SYCP1: variants seen among roughly 807,000 people sequenced by gnomAD.
The protein encoded by SYCP1 is cancer/testis antigen 8.
SYCP1 carries 64 observed loss-of-function variants against 153.1 expected under a neutral mutation model. The observed-to-expected ratio is 0.42, with a 90% CI of 0.34 to 0.51. The LOEUF is 0.51. Among genes scored for constraint, SYCP1 ranks in the 20% least tolerant of loss-of-function variants. The pLI, the probability that SYCP1 is intolerant of heterozygous loss-of-function variation, is 0.06. For synonymous variants in SYCP1, 384 were observed against 341.8 expected (o/e 1.12, Z -1.36); for missense variants, 997 against 1,049.0 (o/e 0.95, Z 0.68).
At chr1:114,928,844 A>G (rs574722253) in intron 23 of SYCP1, among the ~76,000 whole-genome samples, 6 of 152,354 alleles carry the variant, frequency 3.9e-5, no homozygotes, top group African/African-American at 1.4e-4. Context: ...CAACTGAAGT[A>G]TAGCTGTCTT....
At chr1:114,868,795 A>C (rs1048128649) in intron 8 of SYCP1, among the ~76,000 whole-genome samples, 1 of 152,208 alleles carries the variant, frequency 6.6e-6, no homozygotes, top group Non-Finnish European at 1.5e-5. Context: ...GTCTTTTGAC[A>C]GTTGGTCCAT....
At chr1:114,892,214 T>A (rs1666754540) in intron 15 of SYCP1, among the ~76,000 whole-genome samples, 2 of 151,994 alleles carry the variant, frequency 1.3e-5, no homozygotes, top group Admixed American at 1.3e-4. Context: ...CCAGTTGTGT[T>A]TATAGGTGCT....
chr1:114,989,319 A>G (rs1013280558), intron 30 of SYCP1, among the ~76,000 whole-genome samples: 39 of 151,998 alleles, frequency 2.6e-4, no homozygotes, highest in Admixed American at 2.4e-3. Flanking sequence ...TGTAATCTCC[A>G]TGGTAACTAC....
chr1:114,854,457 A>G (rs1420417822), upstream of SYCP1, among the ~76,000 whole-genome samples: 2 of 152,166 alleles, frequency 1.3e-5, no homozygotes, highest in African/African-American at 2.4e-5. Flanking sequence ...CCATTCACTC[A>G]TTCTTATGTG....
At chr1:114,935,391 G>C (rs1235681961) in intron 23 of SYCP1, among the ~76,000 whole-genome samples, 1 of 152,124 alleles carries the variant, frequency 6.6e-6, no homozygotes, top group Non-Finnish European at 1.5e-5. Context: ...AGAATCTCTG[G>C]GACACATTTA....
At chr1:114,972,087 A>C (rs558439725) in intron 27 of SYCP1, among the ~76,000 whole-genome samples, 1 of 152,088 alleles carries the variant, frequency 6.6e-6, no homozygotes, top group Non-Finnish European at 1.5e-5. Context: ...TATAGCTTCA[A>C]TCTTGCTAGA....
At chr1:114,945,107 T>A (rs957599870) in intron 25 of SYCP1, 125 bp downstream of exon 25, 10 of 680,724 alleles carry the variant, frequency 1.5e-5, no homozygotes, top group Non-Finnish European at 2.1e-5. Context: ...ACAGTGACTG[T>A]CTATAGCTAG....
intron 27 of SYCP1, among the ~76,000 whole-genome samples, chr1:114,960,163 GTTTTTTTTTTTT>G (rs757126453): frequency 9.1e-5 from 10 of 109,476 alleles, no homozygotes; most frequent in Admixed American, 2.8e-4. Context: ...TAGTTTGCTT[GTTTTTTTTTTTT>G]TTTTTTTTTT....
intron 27 of SYCP1, among the ~76,000 whole-genome samples, chr1:114,951,601 A>G (rs1176822979): frequency 1.3e-5 from 2 of 152,194 alleles, no homozygotes; most frequent in East Asian, 1.9e-4. Context: ...TTATTTTGAG[A>G]TAATTGTAGA....
At chr1:114,935,242 G>A (rs1669919088) in intron 23 of SYCP1, among the ~76,000 whole-genome samples, 1 of 152,114 alleles carries the variant, frequency 6.6e-6, no homozygotes, top group Non-Finnish European at 1.5e-5. Context: ...TAGAACTCAG[G>A]ATTAAGAAAC....
At chr1:114,872,090 CT>C (rs906281914) in intron 8 of SYCP1, among the ~76,000 whole-genome samples, 4 of 150,024 alleles carry the variant, frequency 2.7e-5, no homozygotes, top group Non-Finnish European at 5.9e-5. Context: ...GATCCTCCCA[CT>C]TTGGCCTCCC....
At chr1:114,960,167 T>G (rs568550936) in intron 27 of SYCP1, among the ~76,000 whole-genome samples, 2 of 142,648 alleles carry the variant, frequency 1.4e-5, no homozygotes, top group East Asian at 4.0e-4. Context: ...TTGCTTGTTT[T>G]TTTTTTTTTT....
chr1:114,893,193 T>C (rs1363960785), intron 15 of SYCP1, among the ~76,000 whole-genome samples: 1 of 152,182 alleles, frequency 6.6e-6, no homozygotes, highest in Non-Finnish European at 1.5e-5. Flanking sequence ...CTTTCTTGTT[T>C]TTAAACTTTC....
intron 27 of SYCP1, among the ~76,000 whole-genome samples, chr1:114,953,282 C>T (rs534235114): frequency 6.6e-6 from 1 of 152,238 alleles, no homozygotes; most frequent in South Asian, 2.1e-4. Flanking sequence ...TCTTTTTATT[C>T]TAACAGTTTT....
At position 114,914,324 on chromosome 1, in the gene SYCP1, T is replaced by A. The variant is rs1042605162; in HGVS notation, c.1718+279T>A. Among the ~76,000 whole-genome samples the A allele has an allele frequency of 2.0e-5, 3 of 151,976 alleles. No individual in the cohort carries two copies. The East Asian group carries it at 5.8e-4, about 29-fold the overall frequency. The stretch of plus-strand genomic sequence containing the variant: ...TAATTAAGAAAATATATTAATCACA[T>A]TTAATAAAATATAGAAATCTTAAAA... On this transcript the variant is annotated intron_variant, in intron 20 of 31. Transcript: ENST00000369522.
chr1:114,867,163 G>A (rs1664807000), intron 8 of SYCP1, among the ~76,000 whole-genome samples: 2 of 152,016 alleles, frequency 1.3e-5, no homozygotes, highest in South Asian at 2.1e-4. Flanking sequence ...TAGCTTTATA[G>A]TAAGTCTTGA....
At chr1:114,970,278 G>T (rs1672394300) in intron 27 of SYCP1, among the ~76,000 whole-genome samples, 1 of 151,286 alleles carries the variant, frequency 6.6e-6, no homozygotes, top group Admixed American at 6.6e-5. Context: ...TTTTTTTTAT[G>T]ATATCTGTTT....
chr1:114,896,131 G>A (rs1294787223), intron 16 of SYCP1, among the ~76,000 whole-genome samples: 4 of 152,098 alleles, frequency 2.6e-5, no homozygotes, highest in Non-Finnish European at 5.9e-5. Flanking sequence ...ACTGCAGGCT[G>A]AATTTGTCTT....
chr1:114,916,649 GT>G (rs57260757), intron 20 of SYCP1, among the ~76,000 whole-genome samples: 6,136 of 142,932 alleles, frequency 0.043, 136 homozygotes, highest in Middle Eastern at 0.063. Context: ...ATCTTTTGAG[GT>G]TTTTTTTTTT....
Sources: gnomAD v4.1 joint callset for allele counts (sites outside exome capture counted in the v4.1 genomes callset) on GRCh38, gnomAD v4.1.1 for gene constraint, MANE v1.5 for transcripts, NCBI Gene and HGNC (gene_info 2026-07-23, HGNC 2026-07-21) for gene names.